PIGN: variants seen among roughly 807,000 people sequenced by gnomAD.
The protein encoded by PIGN is GPI ethanolamine phosphate transferase 1.
A neutral mutation model predicts 125.4 loss-of-function variants in PIGN; 117 were observed. The observed-to-expected ratio is 0.93, with a 90% confidence interval of 0.80 to 1.09. The LOEUF (loss-of-function observed/expected upper bound fraction) is 1.09. Among genes scored for constraint, PIGN ranks in the 50% least tolerant of loss-of-function variants. PIGN has a pLI of 0.00. For synonymous variants in PIGN, 392 were observed against 377.8 expected (o/e 1.04, Z -0.44); for missense variants, 1,075 against 1,094.9 (o/e 0.98, Z 0.26).
chr18:62,040,053 G>A (rs1414808277), downstream of PIGN, among the ~76,000 whole-genome samples: 30 of 106,070 alleles, frequency 2.8e-4, no homozygotes, highest in Middle Eastern at 8.6e-3. Flanking sequence ...CCAGAGTGCC[G>A]CACCCCATGT....
At chr18:62,159,161 T>C (rs919966137) in intron 4 of PIGN, among the ~76,000 whole-genome samples, 1 of 152,138 alleles carries the variant, frequency 6.6e-6, no homozygotes, top group Non-Finnish European at 1.5e-5. Context: ...GGAGAATCGC[T>C]TGAACCTGGG....
intron 11 of PIGN, among the ~76,000 whole-genome samples, chr18:62,142,255 T>C (rs904737862): frequency 4.6e-5 from 7 of 152,162 alleles, no homozygotes; most frequent in African/African-American, 9.7e-5. Flanking sequence ...ACAGTGTTAG[T>C]AGAAGGAATG....
chr18:62,090,344 T>A (rs1211666170), intron 24 of PIGN, 132 bp downstream of exon 24: 3 of 573,340 alleles, frequency 5.2e-6, no homozygotes, highest in Non-Finnish European at 9.0e-6. Flanking sequence ...ACTTAATTAT[T>A]AATGCCAAAC....
At chr18:62,137,828 C>T (rs1307894193) in intron 14 of PIGN, 1 of 159,160 alleles carries the variant, frequency 6.3e-6, no homozygotes, top group African/African-American at 2.4e-5. Flanking sequence ...CTGATATCTT[C>T]AAATGTAAGT....
At chr18:62,075,936 A>AT (rs963734963) in intron 28 of PIGN, 31 of 150,050 alleles carry the variant, frequency 2.1e-4, no homozygotes, top group East Asian at 1.2e-3. Flanking sequence ...TTCATTGTTG[A>AT]TTTTTTTTTT....
intron 1 of PIGN, among the ~76,000 whole-genome samples, chr18:62,178,680 AT>A (rs2147943329): frequency 6.6e-6 from 1 of 152,014 alleles, no homozygotes; most frequent in Non-Finnish European, 1.5e-5. Flanking sequence ...CAGATAAACT[AT>A]TAAGCCATAT....
chr18:62,141,265 A>C (rs1014253445), intron 11 of PIGN, among the ~76,000 whole-genome samples: 2 of 152,262 alleles, frequency 1.3e-5, no homozygotes, highest in African/African-American at 2.4e-5. Context: ...AGTTAAAAAA[A>C]TAAATGCAAG....
intron 1 of PIGN, among the ~76,000 whole-genome samples, chr18:62,164,555 A>T (rs2037064704): frequency 6.6e-6 from 1 of 152,134 alleles, no homozygotes; most frequent in South Asian, 2.1e-4. Flanking sequence ...TCTCACGAGA[A>T]CCCACTCACT....
At chr18:62,028,576 A>G (rs186966833) in intron 23 of PIGN, among the ~76,000 whole-genome samples, 1 of 152,338 alleles carries the variant, frequency 6.6e-6, no homozygotes, top group Non-Finnish European at 1.5e-5. Context: ...TCTTGTCTCC[A>G]TTATGATTCT....
Position 62,088,773 on chromosome 18 carries a change from G to A in PIGN, c.2353C>T (p.Arg785Cys), listed in dbSNP as rs780284457. 6.4e-6 allele frequency: 10 copies of A among 1,558,628 alleles called. No homozygotes were observed. Among genetic ancestry groups the A allele is most frequent in the South Asian group, 2.4e-5 (2 of 84,694 alleles). ...QFRQLYLDDI[R>C]RAFFLVFFLV... ...AAGGATACAAGGAAAAAGGCCCTAC[G>A]GATGTCATCCAGATATAGCTGTCGA... The change falls in exon 25 of 31, where the codon CGT becomes TGT. Residue 785 changes from arginine to cysteine, a missense_variant. This residue lies in a region of PIGN where 915 missense variants were observed against 908.7 expected (regional missense o/e 1.01). Transcript: ENST00000640252.
chr18:62,145,479 CTAA>C (rs1221489705), intron 10 of PIGN, among the ~76,000 whole-genome samples: 1 of 152,156 alleles, frequency 6.6e-6, no homozygotes. Flanking sequence ...TGCTTTTTAT[CTAA>C]TAGAAATATC....
Position 62,139,055 on chromosome 18 carries a change from A to T in PIGN, c.1044T>A (p.Tyr348Ter). 6.2e-7 allele frequency: 1 copy of T among 1,603,896 alleles called. No individual in the cohort carries two copies. ...LNSVGILPVD[Y>*]LNNTDLFKAE... ...CTTTGAAGAGATCAGTGTTGTTAAG[A>T]TAATCCACAGGAAGGATTCCCTGAA... Residue 348 changes from tyrosine (Y) to a stop codon, truncating the protein, a stop_gained, in exon 13 of 31, where the codon TAT becomes TAA. Transcript: ENST00000640252. LOFTEE classifies it high-confidence loss of function.
At chr18:62,022,454 G>C (rs2030064164) in intron 23 of PIGN, among the ~76,000 whole-genome samples, 1 of 152,186 alleles carries the variant, frequency 6.6e-6, no homozygotes, top group Non-Finnish European at 1.5e-5. Flanking sequence ...TGGACAATAA[G>C]GTTAAGCCCT....
At chr18:62,033,726 C>T (rs1015407925) in intron 23 of PIGN, among the ~76,000 whole-genome samples, 5 of 152,112 alleles carry the variant, frequency 3.3e-5, no homozygotes, top group African/African-American at 1.2e-4. Context: ...ACGTATTGCT[C>T]GTAAGGCAAA....
chr18:62,165,263 C>G (rs1179225857), intron 1 of PIGN, among the ~76,000 whole-genome samples: 2 of 152,192 alleles, frequency 1.3e-5, no homozygotes, highest in Non-Finnish European at 2.9e-5. Context: ...TATAACAAAG[C>G]ACAGAAGCCC....
intron 1 of PIGN, among the ~76,000 whole-genome samples, chr18:62,164,180 A>G (rs990124691): frequency 7.9e-5 from 12 of 152,198 alleles, no homozygotes; most frequent in African/African-American, 2.9e-4. Context: ...TTGGGTATTG[A>G]CCAAAGGCAG....
intron 1 of PIGN, among the ~76,000 whole-genome samples, chr18:62,167,186 G>GCTCT (rs1491124062): frequency 9.0e-6 from 1 of 110,932 alleles, no homozygotes; most frequent in South Asian, 3.3e-4. Context: ...GAGAGCAGGA[G>GCTCT]CGCTCTCTCT....
At chr18:62,060,613 T>A (rs1279877847) in intron 30 of PIGN, among the ~76,000 whole-genome samples, 1 of 152,200 alleles carries the variant, frequency 6.6e-6, no homozygotes, top group Non-Finnish European at 1.5e-5. Context: ...TCTCATTATA[T>A]CAAAAGAGAA....
At chr18:62,103,332 A>G (rs946978655) in intron 20 of PIGN, among the ~76,000 whole-genome samples, 3 of 152,160 alleles carry the variant, frequency 2.0e-5, no homozygotes, top group African/African-American at 7.2e-5. Flanking sequence ...TTACTCATGC[A>G]AAAAGTATCT....
Sources: gnomAD v4.1 joint callset for allele counts (sites outside exome capture counted in the v4.1 genomes callset) on GRCh38, gnomAD v4.1.1 for gene constraint, gnomAD v4.1.1 regional missense constraint, MANE v1.5 for transcripts, NCBI Gene and HGNC (gene_info 2026-07-23, HGNC 2026-07-21) for gene names.